GRM8: variants seen among roughly 807,000 people sequenced by gnomAD.
GRM8 encodes the protein metabotropic glutamate receptor 8.
Under a neutral mutation model 87.2 loss-of-function variants are expected in GRM8, and 47 were observed. That is an observed-to-expected ratio of 0.54 (90% CI 0.43 to 0.69). The LOEUF (loss-of-function observed/expected upper bound fraction) is 0.69. Ranked by LOEUF, GRM8 falls within the 30% of genes least tolerant of loss-of-function variation. GRM8 has a pLI of 0.00. For missense variants in GRM8, 1,019 were observed against 1,139.2 expected, an observed-to-expected ratio of 0.89 and a Z score of 1.52; for synonymous variants, 396 against 404.5, an observed-to-expected ratio of 0.98 and a Z score of 0.25.
intron 6 of GRM8, among the ~76,000 whole-genome samples, chr7:126,868,440 A>G (rs1036707746): frequency 1.3e-5 from 2 of 152,228 alleles, no homozygotes; most frequent in African/African-American, 4.8e-5. Flanking sequence ...CTGAGACTAC[A>G]AAAGTTGGTT....
chr7:127,038,742 C>T (rs1586822039), intron 3 of GRM8, among the ~76,000 whole-genome samples: 1 of 152,140 alleles, frequency 6.6e-6, no homozygotes, highest in Non-Finnish European at 1.5e-5. Flanking sequence ...ACATACAAAA[C>T]TTTATATTAT....
At chr7:126,597,402 T>C (rs1354077935) in intron 8 of GRM8, among the ~76,000 whole-genome samples, 1 of 152,110 alleles carries the variant, frequency 6.6e-6, no homozygotes, top group African/African-American at 2.4e-5. Flanking sequence ...ATAACGCTGA[T>C]GAAACCCACT....
intron 8 of GRM8, among the ~76,000 whole-genome samples, chr7:126,536,677 C>T (rs1351014981): frequency 1.3e-5 from 2 of 152,038 alleles, no homozygotes; most frequent in Non-Finnish European, 2.9e-5. Context: ...AAATGCTCCA[C>T]TGGGTGCTTC....
intron 3 of GRM8, among the ~76,000 whole-genome samples, chr7:127,051,738 GCAAAAAAAAA>G (rs1409074464): frequency 6.9e-4 from 9 of 13,050 alleles, no homozygotes; most frequent in East Asian, 2.6e-3. Flanking sequence ...ATAATGTTGA[GCAAAAAAAAA>G]AAAAAAAAAA....
intron 2 of GRM8, among the ~76,000 whole-genome samples, chr7:127,235,746 G>C (rs770374352): frequency 2.0e-5 from 3 of 152,202 alleles, no homozygotes; most frequent in Non-Finnish European, 4.4e-5. Flanking sequence ...AACTGGTCCT[G>C]GCTAGGGTTT....
chr7:127,207,922 CA>C (rs1437589897), intron 2 of GRM8, among the ~76,000 whole-genome samples: 1 of 152,168 alleles, frequency 6.6e-6, no homozygotes, highest in Non-Finnish European at 1.5e-5. Flanking sequence ...CCAACTGCCA[CA>C]AGTTTTTCTT....
intron 8 of GRM8, among the ~76,000 whole-genome samples, chr7:126,592,942 T>C (rs1400975619): frequency 6.6e-6 from 1 of 151,946 alleles, no homozygotes; most frequent in Non-Finnish European, 1.5e-5. Flanking sequence ...TCAGTAATGT[T>C]ACATTACACA....
intron 6 of GRM8, among the ~76,000 whole-genome samples, chr7:126,864,517 A>G (rs1252025178): frequency 6.6e-6 from 1 of 152,154 alleles, no homozygotes; most frequent in Non-Finnish European, 1.5e-5. Context: ...TTTTATTTCT[A>G]GAAATTTCAT....
chr7:127,108,260 C>A (rs147506178), intron 2 of GRM8, among the ~76,000 whole-genome samples: 4 of 152,294 alleles, frequency 2.6e-5, no homozygotes, highest in African/African-American at 7.2e-5. Flanking sequence ...TGCCCTTTCT[C>A]ACCTTTTCTT....
chr7:126,982,919 C>T (rs150487832), intron 3 of GRM8, among the ~76,000 whole-genome samples: 1 of 152,150 alleles, frequency 6.6e-6, no homozygotes. Flanking sequence ...TTCCCATTGA[C>T]CTTAATCACA....
At chr7:126,816,006 A>T (rs1380788392) in intron 6 of GRM8, among the ~76,000 whole-genome samples, 4 of 151,094 alleles carry the variant, frequency 2.6e-5, no homozygotes, top group East Asian at 1.9e-4. Flanking sequence ...CCAGATTTTT[A>T]TATATATATA....
chr7:126,767,459 T>C (rs988184147), intron 7 of GRM8, among the ~76,000 whole-genome samples: 4 of 152,122 alleles, frequency 2.6e-5, no homozygotes, highest in African/African-American at 9.7e-5. Flanking sequence ...TTGGAAATAA[T>C]TTCCAAGAAA....
intron 3 of GRM8, among the ~76,000 whole-genome samples, chr7:126,993,105 C>T (rs573230644): frequency 1.2e-4 from 18 of 152,056 alleles, no homozygotes; most frequent in South Asian, 8.3e-4. Context: ...ATTTAAGATA[C>T]GAATTCACTG....
rs1801524705 is a variant in GRM8 at position 126,896,188 on chromosome 7, A to G, written c.1156+6354T>C. Among the ~76,000 whole-genome samples the G allele has an allele frequency of 1.1e-4, 17 of 150,958 alleles. No homozygotes were observed. The South Asian group carries it at 3.6e-3, about 32-fold the overall frequency. ...CCAGCTCTAAATTCTGAAATCTAGT[A>G]TGTCTGAAATCAATGCCTGTTTTGT... On this transcript the variant is annotated intron_variant, in intron 6 of 10. Coordinates refer to ENST00000339582, the MANE Select transcript of GRM8 (RefSeq NM_000845.3).
intron 2 of GRM8, among the ~76,000 whole-genome samples, chr7:127,123,629 C>G (rs1308610510): frequency 6.6e-6 from 1 of 152,134 alleles, no homozygotes; most frequent in Non-Finnish European, 1.5e-5. Flanking sequence ...ATAAATTATT[C>G]TTAGCCTCAG....
intron 3 of GRM8, among the ~76,000 whole-genome samples, chr7:127,074,613 G>A (rs1388090818): frequency 6.6e-6 from 1 of 152,108 alleles, no homozygotes; most frequent in African/African-American, 2.4e-5. Flanking sequence ...CATGCCTCTC[G>A]AGATAACCCA....
intron 6 of GRM8, among the ~76,000 whole-genome samples, chr7:126,787,264 A>C (rs1358179150): frequency 6.6e-6 from 1 of 152,204 alleles, no homozygotes; most frequent in Non-Finnish European, 1.5e-5. Flanking sequence ...GTGTGTGACA[A>C]TCAACAAATT....
intron 2 of GRM8, among the ~76,000 whole-genome samples, chr7:127,153,534 C>G (rs192239139): frequency 2.0e-5 from 3 of 151,930 alleles, no homozygotes; most frequent in Non-Finnish European, 4.4e-5. Flanking sequence ...TTTGAGAAAG[C>G]GGAAGTGGGG....
Position 126,769,839 on chromosome 7 carries a change from T to G in GRM8, c.1357+26A>C, listed in dbSNP as rs1158482444. 3 of 1,475,898 alleles carry G rather than the reference T, an allele frequency of 2.0e-6. No individual in the cohort carries two copies. The African/African-American group carries it at 4.1e-5, about 20-fold the overall frequency. 91.4% of individuals were successfully genotyped at this position (1,475,898 alleles called of 1,614,324 possible). On this transcript the variant is annotated intron_variant, in intron 7 of 10. Transcript: ENST00000339582. ...ACACACCCTGTCGCTTTTAATGTATTTAGACACACACACGTTGTAACTTAC... is the reference window on the plus strand; with the variant it reads ...ACACACCCTGTCGCTTTTAATGTATGTAGACACACACACGTTGTAACTTAC...
Sources: allele counts gnomAD v4.1 joint callset (sites outside exome capture counted in the v4.1 genomes callset), GRCh38; gene constraint gnomAD v4.1.1; transcripts MANE v1.5; gene names NCBI Gene and HGNC (gene_info 2026-07-23, HGNC 2026-07-21).